CREB5: variants seen among roughly 807,000 people sequenced by gnomAD.
The protein encoded by CREB5 is cyclic AMP-responsive element-binding protein 5.
A neutral mutation model predicts 57.1 loss-of-function variants in CREB5; 19 were observed. The observed-to-expected ratio is 0.33, with a 90% CI of 0.23 to 0.49. The LOEUF is 0.49. Ranked by LOEUF, CREB5 falls within the 20% of genes least tolerant of loss-of-function variation. The pLI is 0.99. For synonymous variants in CREB5, 238 were observed against 238.3 expected (o/e 1.00, Z 0.01); for missense variants, 579 against 671.6 (o/e 0.86, Z 1.52).
intron 4 of CREB5, among the ~76,000 whole-genome samples, chr7:28,534,394 C>T (rs1793867798): frequency 6.6e-6 from 1 of 152,224 alleles, no homozygotes; most frequent in Non-Finnish European, 1.5e-5. Context: ...CAGCCCCTCC[C>T]TCTCCCAGTG....
At chr7:28,776,806 G>T (rs780933079) in intron 7 of CREB5, among the ~76,000 whole-genome samples, 1 of 152,088 alleles carries the variant, frequency 6.6e-6, no homozygotes, top group Non-Finnish European at 1.5e-5. Context: ...GTGGCCTTTT[G>T]TGGCCACCTT....
chr7:28,544,577 T>C (rs1228924029), intron 4 of CREB5, among the ~76,000 whole-genome samples: 1 of 152,238 alleles, frequency 6.6e-6, no homozygotes, highest in Non-Finnish European at 1.5e-5. Flanking sequence ...CAATATGGTT[T>C]TTTTTAAGGC....
At chr7:28,709,685 TTA>T (rs1025599123) in intron 5 of CREB5, among the ~76,000 whole-genome samples, 6 of 133,016 alleles carry the variant, frequency 4.5e-5, no homozygotes, top group African/African-American at 2.3e-4. Context: ...CAGGCTTTTA[TTA>T]AAAAAAAAAA....
intron 5 of CREB5, among the ~76,000 whole-genome samples, chr7:28,671,353 G>T (rs971071794): frequency 6.6e-6 from 1 of 151,764 alleles, no homozygotes; most frequent in Non-Finnish European, 1.5e-5. Flanking sequence ...TTAAAAATAC[G>T]TTTCCTGCTT....
chr7:28,516,859 C>G (rs1052434812), intron 4 of CREB5, among the ~76,000 whole-genome samples: 1 of 152,246 alleles, frequency 6.6e-6, no homozygotes, highest in Non-Finnish European at 1.5e-5. Flanking sequence ...AATGGACACT[C>G]TCCTCCGAAT....
intron 4 of CREB5, among the ~76,000 whole-genome samples, chr7:28,522,541 A>G (rs576905949): frequency 6.6e-6 from 1 of 152,042 alleles, no homozygotes; most frequent in East Asian, 1.9e-4. Context: ...GATTATAGGC[A>G]TGTGCCACCA....
At chr7:28,762,577 A>G (rs1805720456) in intron 7 of CREB5, among the ~76,000 whole-genome samples, 1 of 152,188 alleles carries the variant, frequency 6.6e-6, no homozygotes, top group African/African-American at 2.4e-5. Flanking sequence ...GTATTTCTCT[A>G]TCACCATGCA....
intron 5 of CREB5, among the ~76,000 whole-genome samples, chr7:28,652,875 G>A (rs1444412114): frequency 6.6e-6 from 1 of 152,164 alleles, no homozygotes; most frequent in Non-Finnish European, 1.5e-5. Context: ...AATAAAAGAT[G>A]ATTAGTGACC....
chr7:28,792,928 CCAGACCATTCACAGG>C (rs1807809482), intron 7 of CREB5, among the ~76,000 whole-genome samples: 1 of 152,066 alleles, frequency 6.6e-6, no homozygotes, highest in Admixed American at 6.6e-5. Flanking sequence ...GCCATATGAC[CCAGACCATTCACAGG>C]CAGACCTCCT....
intron 1 of CREB5, among the ~76,000 whole-genome samples, chr7:28,348,441 C>G (rs1393068480): frequency 6.7e-6 from 1 of 150,336 alleles, no homozygotes; most frequent in African/African-American, 2.4e-5. Flanking sequence ...CACACACACA[C>G]ACAGACACCT....
At chr7:28,387,110 G>A (rs1385904560) in intron 1 of CREB5, among the ~76,000 whole-genome samples, 1 of 152,136 alleles carries the variant, frequency 6.6e-6, no homozygotes, top group African/African-American at 2.4e-5. Flanking sequence ...GGATTGCTGG[G>A]TCAAATGGTA....
intron 5 of CREB5, among the ~76,000 whole-genome samples, chr7:28,642,971 C>CACACACAT (rs1798724735): frequency 1.2e-5 from 1 of 81,344 alleles, no homozygotes; most frequent in African/African-American, 4.2e-5. Flanking sequence ...CACACACACA[C>CACACACAT]ACACACACAC....
intron 1 of CREB5, among the ~76,000 whole-genome samples, chr7:28,303,802 C>T (rs2127979312): frequency 6.6e-6 from 1 of 151,940 alleles, no homozygotes; most frequent in East Asian, 1.9e-4. Flanking sequence ...GAAATGTGGA[C>T]CTGATTAATG....
At chr7:28,465,749 A>C (rs1236489640) in intron 1 of CREB5, among the ~76,000 whole-genome samples, 3 of 152,256 alleles carry the variant, frequency 2.0e-5, no homozygotes, top group Non-Finnish European at 4.4e-5. Flanking sequence ...AAAGTGTTAA[A>C]ACTCTACAAA....
At chr7:28,504,586 C>G (rs1792400878) in intron 3 of CREB5, among the ~76,000 whole-genome samples, 1 of 152,168 alleles carries the variant, frequency 6.6e-6, no homozygotes, top group South Asian at 2.1e-4. Context: ...AAACCCATCT[C>G]AAACCAAACT....
chr7:28,313,577 C>T (rs1417598583), intron 1 of CREB5, among the ~76,000 whole-genome samples: 1 of 152,134 alleles, frequency 6.6e-6, no homozygotes, highest in East Asian at 1.9e-4. Flanking sequence ...TTCAATTGAG[C>T]AAATGTATTT....
chr7:28,521,546 T>C (rs1281850333), intron 4 of CREB5, among the ~76,000 whole-genome samples: 1 of 152,230 alleles, frequency 6.6e-6, no homozygotes, highest in Non-Finnish European at 1.5e-5. Flanking sequence ...CTCTTTTTAT[T>C]ATCTTGCCAA....
chr7:28,526,733 G>A (rs1310436885), intron 4 of CREB5, among the ~76,000 whole-genome samples: 1 of 152,212 alleles, frequency 6.6e-6, no homozygotes, highest in African/African-American at 2.4e-5. Flanking sequence ...CCGAAAGGCC[G>A]ACTGTGCACA....
intron 9 of CREB5, among the ~76,000 whole-genome samples, chr7:28,813,950 A>G (rs1251953257): frequency 6.6e-6 from 1 of 152,216 alleles, no homozygotes; most frequent in Non-Finnish European, 1.5e-5. Context: ...GTATTTACAA[A>G]ATACTTTTAT....
Sources: allele counts gnomAD v4.1 joint callset (sites outside exome capture counted in the v4.1 genomes callset), GRCh38; gene constraint gnomAD v4.1.1; transcripts MANE v1.5; gene names NCBI Gene and HGNC (gene_info 2026-07-23, HGNC 2026-07-21).